Variants in RIMS2 observed in about 807,000 individuals in gnomAD.
RIMS2 encodes the protein regulating synaptic membrane exocytosis protein 2.
RIMS2 carries 59 observed loss-of-function variants against 174.4 expected under a neutral mutation model. That is an observed-to-expected ratio of 0.34 (90% CI 0.27 to 0.42). RIMS2 has a LOEUF of 0.42. Among genes scored for constraint, RIMS2 ranks in the 10% least tolerant of loss-of-function variants. The pLI is 1.00. For missense variants in RIMS2, 1,620 were observed against 1,666.3 expected (o/e 0.97, Z 0.48); for synonymous variants, 606 against 572.5 (o/e 1.06, Z -0.84).
rs10088886 is a variant in RIMS2 at position 103,936,428 on chromosome 8, A to G, written c.2376-123A>G. ...AATTTTAAAGGTTATAACATTTGCA[A>G]TGTATGATAATTTTATGGTAAAACT... On this transcript the variant is annotated intron_variant, in intron 12 of 23. Transcript: ENST00000504942. The G allele has an allele frequency of 4.0e-3, 2,295 of 571,720 alleles. 44 individuals carry two copies. The highest frequency in any genetic ancestry group is 0.039 in the African/African-American group (2,060 of 52,466). The allele number at this position is 571,720 out of a possible 1,614,324, so 35.4% of individuals were successfully genotyped here. A position where few individuals can be genotyped will look rare whatever the true frequency, so the allele number is the denominator to read the frequency against.
At chr8:104,195,189 TAAG>T (rs796801504) in intron 19 of RIMS2, among the ~76,000 whole-genome samples, 4 of 152,266 alleles carry the variant, frequency 2.6e-5, no homozygotes, top group African/African-American at 9.6e-5. Flanking sequence ...AATTAGGGAT[TAAG>T]AAGAATTGAT....
chr8:104,107,872 T>TA (rs2098103213), intron 19 of RIMS2, among the ~76,000 whole-genome samples: 1 of 152,168 alleles, frequency 6.6e-6, no homozygotes, highest in African/African-American at 2.4e-5. Context: ...AGCCTGCAGT[T>TA]AGCCATGATC....
chr8:103,906,121 T>G (rs2154525903), intron 4 of RIMS2, among the ~76,000 whole-genome samples: 1 of 152,308 alleles, frequency 6.6e-6, no homozygotes, highest in East Asian at 1.9e-4. Flanking sequence ...TCTTAATAGT[T>G]TTTAGGACTA....
chr8:103,989,248 C>T (rs2094541867), intron 16 of RIMS2, 57 bp from the exon 19 acceptor site: 1 of 1,036,310 alleles, frequency 9.6e-7, no homozygotes, highest in South Asian at 1.4e-5. Flanking sequence ...AAATAAACCT[C>T]GTTTCTTAGT....
chr8:103,550,625 T>TA (rs1454156625), intron 1 of RIMS2, among the ~76,000 whole-genome samples: 1 of 151,068 alleles, frequency 6.6e-6, no homozygotes, highest in African/African-American at 2.4e-5. Context: ...CTGAAGGAGA[T>TA]AGAGACACAA....
At chr8:103,633,019 C>T (rs1292569894) in intron 1 of RIMS2, among the ~76,000 whole-genome samples, 4 of 148,424 alleles carry the variant, frequency 2.7e-5, no homozygotes, top group African/African-American at 1.0e-4. Context: ...AGGTGTGAGC[C>T]TCCGCGCCAG....
intron 19 of RIMS2, among the ~76,000 whole-genome samples, chr8:104,081,668 A>C (rs1467565401): frequency 6.6e-6 from 1 of 152,096 alleles, no homozygotes; most frequent in Admixed American, 6.5e-5. Flanking sequence ...AAAGTGAAAA[A>C]AAAGTTTAAT....
intron 19 of RIMS2, among the ~76,000 whole-genome samples, chr8:104,130,182 TAGA>T (rs1352099730): frequency 6.6e-6 from 1 of 152,128 alleles, no homozygotes; most frequent in East Asian, 1.9e-4. Flanking sequence ...ACAATTGCAA[TAGA>T]AGAATTTCCA....
At chr8:103,740,778 G>T (rs1295507108) in intron 2 of RIMS2, among the ~76,000 whole-genome samples, 1 of 152,010 alleles carries the variant, frequency 6.6e-6, no homozygotes, top group African/African-American at 2.4e-5. Flanking sequence ...GTATCCAGTG[G>T]AATATAAATA....
intron 19 of RIMS2, among the ~76,000 whole-genome samples, chr8:104,196,554 T>C (rs2099025493): frequency 6.6e-6 from 1 of 152,094 alleles, no homozygotes; most frequent in East Asian, 1.9e-4. Context: ...AATTATGAAC[T>C]GTTATATAAC....
chr8:103,514,948 C>A (rs1229539134), intron 1 of RIMS2, among the ~76,000 whole-genome samples: 1 of 151,740 alleles, frequency 6.6e-6, no homozygotes, highest in African/African-American at 2.4e-5. Context: ...AAAAAACACA[C>A]ACAAAACAAA....
chr8:103,553,539 A>T (rs1485885844), intron 1 of RIMS2, among the ~76,000 whole-genome samples: 1 of 152,144 alleles, frequency 6.6e-6, no homozygotes, highest in Non-Finnish European at 1.5e-5. Flanking sequence ...TGGCACATAT[A>T]TACATATGTA....
chr8:104,103,190 TA>T (rs5893677), intron 19 of RIMS2, among the ~76,000 whole-genome samples: 6 of 150,954 alleles, frequency 4.0e-5, no homozygotes, highest in Admixed American at 6.6e-5. Context: ...GGAAAATCCT[TA>T]AAAAAAAAGT....
At chr8:103,827,619 G>A (rs2098799465) in intron 3 of RIMS2, among the ~76,000 whole-genome samples, 1 of 152,148 alleles carries the variant, frequency 6.6e-6, no homozygotes, top group African/African-American at 2.4e-5. Context: ...GGCAGATCAC[G>A]AGGTCAGGAG....
chr8:103,530,932 T>G (rs2130889281), intron 1 of RIMS2, among the ~76,000 whole-genome samples: 1 of 151,980 alleles, frequency 6.6e-6, no homozygotes, highest in East Asian at 1.9e-4. Context: ...TGACCTTAAC[T>G]TTTATGGTTT....
At chr8:104,239,136 G>A (rs566709758) in intron 19 of RIMS2, among the ~76,000 whole-genome samples, 2 of 152,130 alleles carry the variant, frequency 1.3e-5, no homozygotes, top group Non-Finnish European at 2.9e-5. Flanking sequence ...CCCTGCCTTG[G>A]GTGGGGCTTA....
intron 17 of RIMS2, among the ~76,000 whole-genome samples, chr8:103,994,050 CAAAAAAAAA>C (rs536495624): frequency 1.1e-5 from 1 of 88,314 alleles, no homozygotes; most frequent in African/African-American, 4.4e-5. Context: ...GACCCTGTCT[CAAAAAAAAA>C]AAAAAAAAAA....
chr8:103,855,123 T>C (rs1223162721), intron 3 of RIMS2, among the ~76,000 whole-genome samples: 2 of 152,090 alleles, frequency 1.3e-5, no homozygotes, highest in Non-Finnish European at 1.5e-5. Flanking sequence ...CTATTTCCTC[T>C]GTATTTTCTA....
intron 15 of RIMS2, 124 bp downstream of exon 17, chr8:103,961,257 T>C (rs2089971977): frequency 1.6e-6 from 1 of 608,708 alleles, no homozygotes; most frequent in South Asian, 2.1e-5. Flanking sequence ...AAACAGCCTA[T>C]GGCAACCTAT....
Sources: gnomAD v4.1 joint callset for allele counts (sites outside exome capture counted in the v4.1 genomes callset) on GRCh38, gnomAD v4.1.1 for gene constraint, MANE v1.5 for transcripts, NCBI Gene and HGNC (gene_info 2026-07-23, HGNC 2026-07-21) for gene names.